The following CPNE4 variants were observed in gnomAD, a reference collection of about 807,000 sequenced individuals.
CPNE4 encodes copine-4.
A neutral mutation model predicts 67.9 loss-of-function variants in CPNE4; 25 were observed. That is an observed-to-expected ratio of 0.37 (90% CI 0.27 to 0.51). CPNE4 has a LOEUF of 0.51. Among genes scored for constraint, CPNE4 ranks in the 20% least tolerant of loss-of-function variants. The pLI, the probability that CPNE4 is intolerant of heterozygous loss-of-function variation, is 0.93. For missense variants in CPNE4, 464 were observed against 690.8 expected (o/e 0.67, Z 3.68); for synonymous variants, 242 against 244.9 (o/e 0.99, Z 0.11).
chr3:131,682,225 T>C (rs2107674861), intron 6 of CPNE4, among the ~76,000 whole-genome samples: 1 of 152,000 alleles, frequency 6.6e-6, no homozygotes, highest in East Asian at 1.9e-4. Flanking sequence ...ATTGAAGATT[T>C]ATATATTTAC....
intron 2 of CPNE4, among the ~76,000 whole-genome samples, chr3:131,759,713 T>C (rs1208767352): frequency 6.6e-6 from 1 of 152,214 alleles, no homozygotes; most frequent in East Asian, 1.9e-4. Context: ...AGATAATTAA[T>C]AGAAAATTGC....
chr3:131,880,747 T>C (rs1350790041), intron 2 of CPNE4, among the ~76,000 whole-genome samples: 4 of 152,162 alleles, frequency 2.6e-5, no homozygotes, highest in South Asian at 2.1e-4. Flanking sequence ...TGGGGTTAAA[T>C]TGAAGAGAAA....
intron 7 of CPNE4, among the ~76,000 whole-genome samples, chr3:131,647,875 T>C (rs1291341010): frequency 6.6e-6 from 1 of 152,192 alleles, no homozygotes; most frequent in Non-Finnish European, 1.5e-5. Context: ...TTTGCTCTTT[T>C]ATCCTCAATG....
chr3:131,588,849 C>T (rs1010636288), intron 7 of CPNE4, among the ~76,000 whole-genome samples: 1 of 152,098 alleles, frequency 6.6e-6, no homozygotes, highest in Non-Finnish European at 1.5e-5. Context: ...TCTATTCCTA[C>T]TGCTCCTTCT....
chr3:131,777,300 C>T (rs896591766), intron 2 of CPNE4, among the ~76,000 whole-genome samples: 3 of 151,498 alleles, frequency 2.0e-5, no homozygotes, highest in African/African-American at 7.3e-5. Context: ...TGTATAAATG[C>T]AGACAGAAAG....
At chr3:131,907,033 A>G (rs558286650) in intron 1 of CPNE4, among the ~76,000 whole-genome samples, 1 of 152,124 alleles carries the variant, frequency 6.6e-6, no homozygotes, top group Admixed American at 6.6e-5. Flanking sequence ...AACCCCATCA[A>G]AAAGGGGGGG....
chr3:131,583,545 A>C (rs1256838565), intron 8 of CPNE4, among the ~76,000 whole-genome samples: 1 of 152,236 alleles, frequency 6.6e-6, no homozygotes, highest in Admixed American at 6.6e-5. Flanking sequence ...TATTGAGTTA[A>C]AGATTTTGAA....
At chr3:131,737,631 A>G (rs1040321765) in intron 2 of CPNE4, among the ~76,000 whole-genome samples, 3 of 152,196 alleles carry the variant, frequency 2.0e-5, no homozygotes, top group African/African-American at 7.2e-5. Flanking sequence ...TAGCAAGTCA[A>G]CAATAGATAG....
chr3:131,579,348 C>T (rs949476882), intron 9 of CPNE4, among the ~76,000 whole-genome samples: 1 of 152,142 alleles, frequency 6.6e-6, no homozygotes, highest in African/African-American at 2.4e-5. Flanking sequence ...GACCTAGTCA[C>T]CCAAAAGCTC....
chr3:131,565,820 A>G (rs1380175225), intron 10 of CPNE4, among the ~76,000 whole-genome samples: 2 of 90,218 alleles, frequency 2.2e-5, no homozygotes, highest in Non-Finnish European at 4.3e-5. Flanking sequence ...AGAGTATGTA[A>G]AAAAAAAAAA....
chr3:131,621,926 T>A (rs897993201), intron 7 of CPNE4, among the ~76,000 whole-genome samples: 5 of 141,698 alleles, frequency 3.5e-5, no homozygotes, highest in African/African-American at 1.4e-4. Context: ...GGTGAAAGAA[T>A]GGCTTGAGCC....
In CPNE4 at chr3:131,635,888, C is replaced by T. The variant is rs1001951090; in HGVS notation, c.681+33787G>A. ...CGAGGTCAGGAGATCGAGACCATCC[C>T]GGCTAAAACGGTGAAACCCCGTCTC... On this transcript the variant is annotated intron_variant, in intron 7 of 15. Transcript: ENST00000429747. 7.0e-5 allele frequency among the ~76,000 whole-genome samples: 6 copies of T among 85,518 alleles called. 1 individual carries two copies. Among genetic ancestry groups the T allele is most frequent in the African/African-American group, 1.6e-4 (1 of 6,438 alleles). 56.1% of individuals were successfully genotyped at this position (85,518 alleles called of 152,430 possible).
chr3:131,801,452 G>GTGTGTATATATATATATA (rs761978890), intron 2 of CPNE4, among the ~76,000 whole-genome samples: 5 of 53,384 alleles, frequency 9.4e-5, no homozygotes, highest in Non-Finnish European at 1.7e-4. Flanking sequence ...GTGTGTGTGT[G>GTGTGTATATATATATATA]TATATATATA....
At position 131,535,121 on chromosome 3, in the gene CPNE4, G is replaced by T. The variant is rs1935060357; in HGVS notation, c.*74C>A. Reference sequence around the variant, plus strand: ...ATGTTGTTGGTTTTTTAAAGTACAGGAGTAGTAGAAGTATTAAATATGAAA... The same window carrying T: ...ATGTTGTTGGTTTTTTAAAGTACAGTAGTAGTAGAAGTATTAAATATGAAA... On this transcript the variant is annotated 3_prime_UTR_variant, in exon 16 of 16. Coordinates refer to ENST00000429747, the MANE Select transcript of CPNE4 (RefSeq NM_130808.3). The T allele has an allele frequency of 6.3e-6, 9 of 1,423,298 alleles. No individual in the cohort carries two copies. The South Asian group carries it at 1.1e-4, about 18-fold the overall frequency. The allele number at this position is 1,423,298 out of a possible 1,614,324, so 88.2% of individuals were successfully genotyped here.
intron 2 of CPNE4, among the ~76,000 whole-genome samples, chr3:131,837,339 T>C (rs1560432093): frequency 6.6e-6 from 1 of 152,156 alleles, no homozygotes; most frequent in African/African-American, 2.4e-5. Context: ...GATGTCTATA[T>C]CATGAGATAT....
intron 2 of CPNE4, among the ~76,000 whole-genome samples, chr3:131,866,173 A>G (rs2086941806): frequency 6.6e-6 from 1 of 152,226 alleles, no homozygotes; most frequent in South Asian, 2.1e-4. Flanking sequence ...TGCCCAAAAT[A>G]AAGGCTGAAC....
At chr3:131,736,409 C>G (rs1457830862) in intron 2 of CPNE4, among the ~76,000 whole-genome samples, 3 of 151,788 alleles carry the variant, frequency 2.0e-5, no homozygotes, top group African/African-American at 7.3e-5. Context: ...ATCACCAGGT[C>G]AAGAGATTGA....
chr3:131,990,785 G>A (rs975787933), intron 1 of CPNE4, among the ~76,000 whole-genome samples: 1 of 135,554 alleles, frequency 7.4e-6, no homozygotes. Context: ...TGGCTTGGCT[G>A]TGTCCCCACC....
At position 131,958,609 on chromosome 3, in the gene CPNE4, C is replaced by CTTTTTT. The variant is rs748126986; in HGVS notation, c.-1-53171_-1-53166dup. On this transcript the variant is annotated intron_variant, in intron 1 of 15. Transcript: ENST00000429747. ...CAATTGATACACCTTTCTTTCTTTT[C>CTTTTTT]TTTTTTTTTTTTTTTTTTTTTTTTT... is the stretch of plus-strand genomic sequence containing the variant. Among the ~76,000 whole-genome samples the CTTTTTT allele has an allele frequency of 3.7e-3, 352 of 95,892 alleles. 22 individuals carry two copies. Among genetic ancestry groups the CTTTTTT allele is most frequent in the African/African-American group, 9.4e-3 (188 of 20,000 alleles). The allele number at this position is 95,892 out of a possible 152,430, so 62.9% of individuals were successfully genotyped here.
Sources: allele counts gnomAD v4.1 joint callset (sites outside exome capture counted in the v4.1 genomes callset), GRCh38; gene constraint gnomAD v4.1.1; transcripts MANE v1.5; gene names NCBI Gene and HGNC (gene_info 2026-07-23, HGNC 2026-07-21).